ERBB3: variants seen among roughly 807,000 people sequenced by gnomAD.
ERBB3 encodes erb-b2 receptor tyrosine kinase 3.
Under a neutral mutation model 156.7 loss-of-function variants are expected in ERBB3, and 96 were observed. That is an observed-to-expected ratio of 0.61 (90% CI 0.52 to 0.73). The LOEUF (loss-of-function observed/expected upper bound fraction) is 0.73, where lower values mean the gene tolerates loss of function less well. Ranked by LOEUF, ERBB3 falls within the 30% of genes least tolerant of loss-of-function variation. The probability of loss-of-function intolerance (pLI) is 0.00; values close to 1 mark genes in which losing one functional copy is unlikely to be tolerated. For missense variants in ERBB3, 1,406 were observed against 1,709.4 expected (o/e 0.82, Z 3.13); for synonymous variants, 567 against 632.0 (o/e 0.90, Z 1.54).
At chr12:56,090,330 A>G (rs1868636234) in intron 9 of ERBB3, among the ~76,000 whole-genome samples, 1 of 151,912 alleles carries the variant, frequency 6.6e-6, no homozygotes, top group Non-Finnish European at 1.5e-5. Context: ...AGATCCTCCA[A>G]ATGTTAACAT....
At chr12:56,095,336 A>G in intron 16 of ERBB3, 26 bp downstream of exon 16, 1 of 1,598,826 alleles carries the variant, frequency 6.3e-7, no homozygotes, top group African/African-American at 1.3e-5. Flanking sequence ...AGATTCTGGA[A>G]ACTGGGGATA....
chr12:56,095,091 G>A (rs1243008706), intron 15 of ERBB3, among the ~76,000 whole-genome samples, 166 bp from the exon 16 acceptor site: 1 of 152,222 alleles, frequency 6.6e-6, no homozygotes, highest in East Asian at 1.9e-4. Flanking sequence ...AGAGGGGCTT[G>A]GGGAGAGCTA....
Position 56,097,047 on chromosome 12 carries a change from T to C in ERBB3, c.2277T>C (p.His759=). The C allele has an allele frequency of 6.2e-7, 1 of 1,614,062 alleles. No homozygotes were observed. Among genetic ancestry groups the C allele is most frequent in the African/African-American group, 1.3e-5 (1 of 75,004 alleles). ...GRQSFQAVTD[H]MLAIGSLDHA... ...ATAATACCTTTTGTGTCTCTTAGCA[T>C]ATGCTGGCCATTGGCAGCCTGGACC... The change falls in exon 20 of 28, where the codon CAT becomes CAC. Residue 759 remains histidine (H), a splice_region_variant and synonymous_variant. Coordinates refer to ENST00000267101, the MANE Select transcript of ERBB3 (RefSeq NM_001982.4).
chr12:56,096,431 C>T (rs1868889920), intron 17 of ERBB3, 72 bp from the exon 18 acceptor site: 2 of 1,600,340 alleles, frequency 1.2e-6, no homozygotes, highest in African/African-American at 1.3e-5. Context: ...TGGCATTCAC[C>T]TATGAGGAGC....
chr12:56,101,197 C>T lies in ERBB3; in HGVS notation c.3338C>T (p.Ser1113Leu). The T allele has an allele frequency of 6.2e-7, 1 of 1,614,056 alleles. No homozygotes were observed. The highest frequency in any genetic ancestry group is 8.5e-7 in the Non-Finnish European group (1 of 1,179,996). ...GAGGCTGAGCTCCAGGAGAAAGTGT[C>T]AATGTGTAGGAGCCGGAGCAGGAGC... ...GSEAELQEKVSMCRSRSRSRS... is the reference protein window; with the variant it reads ...GSEAELQEKVLMCRSRSRSRS... The change falls in exon 27 of 28, where the codon TCA becomes TTA. Residue 1113 changes from serine to leucine, a missense_variant. By Grantham distance (145) the Ser-to-Leu change is moderately radical. This residue lies in a region of ERBB3 where 415 missense variants were observed against 454.1 expected (regional missense o/e 0.91). Transcript: ENST00000267101.
intron 3 of ERBB3, chr12:56,085,498 A>G (rs1412389019): frequency 1.6e-6 from 2 of 1,282,172 alleles, no homozygotes; most frequent in South Asian, 2.8e-5. Context: ...TAATCCCAGC[A>G]TTTTGGGAGG....
At chr12:56,096,239 C>G in intron 17 of ERBB3, 1 of 561,898 alleles carries the variant, frequency 1.8e-6, no homozygotes. Context: ...ACCAACTCTC[C>G]CTAGCTGTCC....
chr12:56,095,227 C>T (rs776039068), intron 15 of ERBB3, 30 bp from the exon 16 acceptor site: 2 of 1,577,500 alleles, frequency 1.3e-6, no homozygotes, highest in African/African-American at 2.7e-5. Flanking sequence ...TGTCCAAGCT[C>T]TCATTTAAGG....
rs138158047 is a variant in ERBB3, at chr12:56,091,469, C to T, written c.1110-1278C>T. Among the ~76,000 whole-genome samples the T allele has an allele frequency of 1.1e-3, 161 of 141,162 alleles. 1 individual carries two copies. The highest frequency in any genetic ancestry group is 4.1e-3 in the African/African-American group (152 of 37,234). 92.6% of individuals were successfully genotyped at this position (141,162 alleles called of 152,430 possible). A position where few individuals can be genotyped will look rare whatever the true frequency, so the allele number is the denominator to read the frequency against. The stretch of plus-strand genomic sequence containing the variant: ...TGTTGCCCAGGCTGGAGTGCAGTGG[C>T]GTGATCTCAGCTCACGCAACCTCCA... On this transcript the variant is annotated intron_variant, in intron 9 of 27. Transcript: ENST00000267101.
chr12:56,088,428 A>G, intron 7 of ERBB3, 115 bp from the exon 8 acceptor site: 1 of 917,964 alleles, frequency 1.1e-6, no homozygotes, highest in South Asian at 1.3e-5. Flanking sequence ...AGGGTGGCAG[A>G]TGGGGACAAA....
At position 56,101,590 on chromosome 12, in the gene ERBB3, T is replaced by TGAA; in HGVS notation, c.3573_3575dup (p.Glu1191dup). On this transcript the variant is annotated inframe_insertion, in exon 28 of 28. Transcript: ENST00000267101. ...TGGGTCTCAGTTCTGTCCTGGGTAC[T>TGAA]GAAGAAGAAGATGAAGATGAGGAGT... 6.2e-7 allele frequency: 1 copy of TGAA among 1,614,022 alleles called. No homozygotes were observed. The highest frequency in any genetic ancestry group is 8.5e-7 in the Non-Finnish European group (1 of 1,180,008).
chr12:56,093,939 C>T, intron 13 of ERBB3, 43 bp downstream of exon 13: 1 of 1,612,512 alleles, frequency 6.2e-7, no homozygotes, highest in Non-Finnish European at 8.5e-7. Flanking sequence ...GGGGTGGGGC[C>T]CTGCAATGGA....
intron 1 of ERBB3, 118 bp downstream of exon 1, chr12:56,080,500 G>T: frequency 4.9e-6 from 4 of 816,610 alleles, no homozygotes; most frequent in South Asian, 1.6e-5. Context: ...GCTGCCCCCG[G>T]TTTGCCAGGA....
At chr12:56,091,266 T>TTATA (rs199547778) in intron 9 of ERBB3, among the ~76,000 whole-genome samples, 469 of 43,398 alleles carry the variant, frequency 0.011, 12 homozygotes, top group African/African-American at 0.034. Flanking sequence ...TTGGCTAATT[T>TTATA]TATATATATA....
chr12:56,097,598 G>GA (rs747067460), intron 20 of ERBB3, among the ~76,000 whole-genome samples, 187 bp from the exon 21 acceptor site: 25 of 152,060 alleles, frequency 1.6e-4, no homozygotes, highest in Non-Finnish European at 3.7e-4. Flanking sequence ...ATCTGAGGTG[G>GA]AAAAATTTCA....
In ERBB3 at chr12:56,097,119, G is replaced by T. The variant is rs1394083213; in HGVS notation, c.2349G>T (p.Leu783=). 3.1e-6 allele frequency: 5 copies of T among 1,614,144 alleles called. No homozygotes were observed. The highest frequency in any genetic ancestry group is 3.4e-6 in the Non-Finnish European group (4 of 1,180,020). ...RLLGLCPGSS[L]QLVTQYLPLG... is the part of the protein sequence containing the mutation. ...TGGGACTATGCCCAGGGTCATCTCT[G>T]CAGCTTGTCACTCAATATTTGCCTC... Residue 783 remains leucine (L), a synonymous_variant, in exon 20 of 28, where the codon CTG becomes CTT. Transcript: ENST00000267101.
At position 56,101,657 on chromosome 12, in the gene ERBB3, C is replaced by T. The variant is rs1340330119; in HGVS notation, c.3631C>T (p.Pro1211Ser). Residue 1211 changes from proline (P) to serine (S), a missense_variant, in exon 28 of 28, where the codon CCC becomes TCC. Coordinates refer to ENST00000267101, the MANE Select transcript of ERBB3 (RefSeq NM_001982.4). ...GAGGAGAAGGCACAGTCCACCTCAT[C>T]CCCCTAGGCCAAGTTCCCTTGAGGA... ...NRRRRHSPPH[P>S]PRPSSLEELG... is the part of the protein sequence containing the mutation. 3.1e-6 allele frequency: 5 copies of T among 1,613,846 alleles called. No individual in the cohort carries two copies. In the African/African-American group the frequency reaches 6.7e-5, roughly 22 times the overall value.
intron 23 of ERBB3, among the ~76,000 whole-genome samples, chr12:56,099,189 C>A (rs1240148984): frequency 6.6e-6 from 1 of 151,876 alleles, no homozygotes; most frequent in Non-Finnish European, 1.5e-5. Context: ...CTCCTGACCT[C>A]AGGTGATCCG....
chr12:56,086,302 C>A (rs79768661), intron 3 of ERBB3, among the ~76,000 whole-genome samples: 16 of 152,158 alleles, frequency 1.1e-4, no homozygotes, highest in South Asian at 8.3e-4. Context: ...TCCCCTCCCC[C>A]ACTAGCTAAA....
Sources: gnomAD v4.1 joint callset for allele counts (sites outside exome capture counted in the v4.1 genomes callset) on GRCh38, gnomAD v4.1.1 for gene constraint, gnomAD v4.1.1 regional missense constraint, MANE v1.5 for transcripts, NCBI Gene and HGNC (gene_info 2026-07-23, HGNC 2026-07-21) for gene names.